KIF16B: variants seen among roughly 807,000 people sequenced by gnomAD.
KIF16B encodes the protein kinesin-like protein KIF16B.
Under a neutral mutation model 156.3 loss-of-function variants are expected in KIF16B, and 98 were observed. The ratio of observed to expected loss-of-function variants is 0.63; its 90% confidence interval spans 0.53 to 0.74. The LOEUF (loss-of-function observed/expected upper bound fraction) is 0.74. Ranked by LOEUF, KIF16B falls within the 30% of genes least tolerant of loss-of-function variation. The pLI, the probability that KIF16B is intolerant of heterozygous loss-of-function variation, is 0.00. For synonymous variants in KIF16B, 564 were observed against 583.7 expected, an observed-to-expected ratio of 0.97 and a Z score of 0.49; for missense variants, 1,421 against 1,606.5, an observed-to-expected ratio of 0.88 and a Z score of 1.97.
At chr20:16,430,666 G>A (rs1401727093) in intron 12 of KIF16B, among the ~76,000 whole-genome samples, 1 of 151,794 alleles carries the variant, frequency 6.6e-6, no homozygotes, top group Non-Finnish European at 1.5e-5. Flanking sequence ...CCTCTATGAA[G>A]GTTATTGTCT....
At chr20:16,376,419 G>T (rs1015708695) in intron 19 of KIF16B, among the ~76,000 whole-genome samples, 3 of 152,174 alleles carry the variant, frequency 2.0e-5, no homozygotes, top group Admixed American at 2.0e-4. Context: ...GGTCCCACAT[G>T]AATTTAATAT....
At chr20:16,292,940 T>C (rs559962944) in intron 25 of KIF16B, among the ~76,000 whole-genome samples, 5 of 152,340 alleles carry the variant, frequency 3.3e-5, no homozygotes, top group African/African-American at 1.2e-4. Flanking sequence ...CATAGTGCAG[T>C]GCTTCTCAAA....
chr20:16,289,584 T>C (rs1379850436), intron 25 of KIF16B, among the ~76,000 whole-genome samples: 1 of 152,082 alleles, frequency 6.6e-6, no homozygotes, highest in Admixed American at 6.6e-5. Flanking sequence ...CCGGGCGCGG[T>C]GGCTCACGCC....
At chr20:16,429,489 G>C (rs2066443507) in intron 13 of KIF16B, among the ~76,000 whole-genome samples, 1 of 152,064 alleles carries the variant, frequency 6.6e-6, no homozygotes, top group Non-Finnish European at 1.5e-5. Context: ...GCCCAATAAT[G>C]CAGGTGAGAA....
intron 20 of KIF16B, among the ~76,000 whole-genome samples, chr20:16,372,488 G>T (rs1157334496): frequency 6.6e-6 from 1 of 152,198 alleles, no homozygotes; most frequent in South Asian, 2.1e-4. Context: ...GTTGTATGAA[G>T]CAAAACTATC....
chr20:16,403,710 C>A (rs956303806), intron 17 of KIF16B, among the ~76,000 whole-genome samples: 4 of 152,150 alleles, frequency 2.6e-5, no homozygotes, highest in Non-Finnish European at 5.9e-5. Flanking sequence ...AATGAGGAAT[C>A]CAGAAATGTG....
chr20:16,409,592 C>T (rs1427851798), intron 15 of KIF16B, among the ~76,000 whole-genome samples: 12 of 151,842 alleles, frequency 7.9e-5, no homozygotes, highest in Admixed American at 7.9e-4. Flanking sequence ...TACAGTGGTC[C>T]AGGTAAGTGA....
chr20:16,463,585 A>C (rs1223785639), intron 12 of KIF16B, among the ~76,000 whole-genome samples: 1 of 152,182 alleles, frequency 6.6e-6, no homozygotes, highest in Non-Finnish European at 1.5e-5. Flanking sequence ...ATGCACTTAA[A>C]GTCCATAATA....
intron 19 of KIF16B, 81 bp downstream of exon 19, chr20:16,378,724 G>A: frequency 5.4e-6 from 7 of 1,305,878 alleles, no homozygotes; most frequent in Admixed American, 2.5e-5. Context: ...AAAAAAAAAA[G>A]GATAAACACA....
intron 12 of KIF16B, among the ~76,000 whole-genome samples, chr20:16,452,306 A>G (rs1243863566): frequency 6.6e-6 from 1 of 152,146 alleles, no homozygotes; most frequent in African/African-American, 2.4e-5. Context: ...AAGTCTTCCA[A>G]CCTCACAGGA....
chr20:16,502,433 T>C (rs1000789583), intron 10 of KIF16B, among the ~76,000 whole-genome samples: 12 of 152,224 alleles, frequency 7.9e-5, no homozygotes, highest in Non-Finnish European at 1.5e-4. Context: ...CATAGCACGA[T>C]AAATTATTTT....
intron 15 of KIF16B, among the ~76,000 whole-genome samples, chr20:16,421,739 T>TTTACA (rs1172784278): frequency 6.6e-6 from 1 of 152,140 alleles, no homozygotes; most frequent in African/African-American, 2.4e-5. Flanking sequence ...GCTAATGACA[T>TTTACA]TTACATTCAC....
chr20:16,485,633 A>C (rs1239833205), intron 12 of KIF16B, among the ~76,000 whole-genome samples: 1 of 152,220 alleles, frequency 6.6e-6, no homozygotes, highest in African/African-American at 2.4e-5. Flanking sequence ...TCATTCCTCC[A>C]AACAACTTCT....
At chr20:16,459,475 T>C (rs1600453603) in intron 12 of KIF16B, among the ~76,000 whole-genome samples, 1 of 152,310 alleles carries the variant, frequency 6.6e-6, no homozygotes, top group East Asian at 1.9e-4. Flanking sequence ...CCCCGGGCTG[T>C]GGAGTACAGC....
chr20:16,338,824 A>C (rs1192875666), intron 23 of KIF16B, among the ~76,000 whole-genome samples: 1 of 151,968 alleles, frequency 6.6e-6, no homozygotes, highest in South Asian at 2.1e-4. Flanking sequence ...AATTCTGTGC[A>C]CTCTTCCATT....
At chr20:16,371,962 T>C (rs1389607542) in intron 20 of KIF16B, among the ~76,000 whole-genome samples, 1 of 152,168 alleles carries the variant, frequency 6.6e-6, no homozygotes, top group Non-Finnish European at 1.5e-5. Context: ...TTTGCCCAAA[T>C]GAGGTAGAAC....
chr20:16,504,245 T>C (rs2068710062), intron 10 of KIF16B, 127 bp downstream of exon 10: 3 of 924,538 alleles, frequency 3.2e-6, no homozygotes, highest in Middle Eastern at 2.3e-4. Flanking sequence ...GGCTAACTCA[T>C]TCAAAGCTTT....
chr20:16,390,487 C>T (rs904511194), intron 17 of KIF16B, among the ~76,000 whole-genome samples: 1 of 152,046 alleles, frequency 6.6e-6, no homozygotes, highest in Admixed American at 6.6e-5. Context: ...CGTACACACC[C>T]CACCTCCCCT....
chr20:16,478,216 T>C (rs998576934), intron 12 of KIF16B, among the ~76,000 whole-genome samples: 4 of 151,780 alleles, frequency 2.6e-5, no homozygotes, highest in Non-Finnish European at 5.9e-5. Context: ...TAACAGAAAA[T>C]TTTTTCCATA....
Sources: allele counts gnomAD v4.1 joint callset (sites outside exome capture counted in the v4.1 genomes callset), GRCh38; gene constraint gnomAD v4.1.1; transcripts MANE v1.5; gene names NCBI Gene and HGNC (gene_info 2026-07-23, HGNC 2026-07-21).